FBN1: variants seen among roughly 807,000 people sequenced by gnomAD.
The protein encoded by FBN1 is fibrillin-1.
FBN1 carries 29 observed loss-of-function variants against 365.1 expected under a neutral mutation model. The ratio of observed to expected loss-of-function variants is 0.08; its 90% confidence interval spans 0.06 to 0.11. The LOEUF (loss-of-function observed/expected upper bound fraction) is 0.11. Ranked by LOEUF, FBN1 falls within the 10% of genes least tolerant of loss-of-function variation. FBN1 has a pLI of 1.00. For missense variants in FBN1, 2,476 were observed against 3,703.2 expected (o/e 0.67, Z 8.60); for synonymous variants, 1,210 against 1,270.5 (o/e 0.95, Z 1.01).
At chr15:48,448,634 A>G (rs1261165989) in intron 46 of FBN1, 134 bp downstream of exon 46, 41 of 762,302 alleles carry the variant, frequency 5.4e-5, no homozygotes, top group Admixed American at 9.0e-5. Flanking sequence ...TCACTGCTGC[A>G]TATCTGTCTG....
intron 2 of FBN1, among the ~76,000 whole-genome samples, chr15:48,632,837 T>C (rs1890012795): frequency 6.6e-6 from 1 of 152,184 alleles, no homozygotes; most frequent in Non-Finnish European, 1.5e-5. Flanking sequence ...CTTTCTCAGA[T>C]TCCAGCTAAA....
Position 48,550,678 on chromosome 15 carries a change from C to T in FBN1, c.539-12870G>A, listed in dbSNP as rs141354491. ...GAGTGAACTGCAGTTCCTCAACTCACGGTGCTGTTTCTCTTCCACACGTCT... is the reference window on the plus strand; with the variant it reads ...GAGTGAACTGCAGTTCCTCAACTCATGGTGCTGTTTCTCTTCCACACGTCT... On this transcript the variant is annotated intron_variant, in intron 6 of 65. Transcript: ENST00000316623. Among the ~76,000 whole-genome samples, 492 of 152,238 alleles carry T rather than the reference C, an allele frequency of 3.2e-3. 1 individual carries two copies. Among genetic ancestry groups the T allele is most frequent in the Middle Eastern group, 0.02 (6 of 294 alleles).
intron 51 of FBN1, 164 bp from the exon 52 acceptor site, chr15:48,437,551 ATGT>A (rs1182183457): frequency 2.5e-6 from 2 of 809,744 alleles, no homozygotes; most frequent in Non-Finnish European, 4.1e-6. Context: ...ACTCCCTAAG[ATGT>A]TGTGTCTACT....
At chr15:48,556,265 A>G (rs1321702623) in intron 6 of FBN1, among the ~76,000 whole-genome samples, 1 of 152,134 alleles carries the variant, frequency 6.6e-6, no homozygotes, top group Non-Finnish European at 1.5e-5. Flanking sequence ...CTCACCTTCA[A>G]TTTCCATCCA....
chr15:48,594,684 T>C (rs1038593857), intron 6 of FBN1, among the ~76,000 whole-genome samples: 1 of 152,224 alleles, frequency 6.6e-6, no homozygotes, highest in Non-Finnish European at 1.5e-5. Context: ...ATATCAACTA[T>C]GAGCATCAAT....
chr15:48,618,739 A>G (rs1214404133), intron 2 of FBN1, among the ~76,000 whole-genome samples: 1 of 152,202 alleles, frequency 6.6e-6, no homozygotes, highest in Non-Finnish European at 1.5e-5. Context: ...CTGTATTTAC[A>G]GCTGCTCCCA....
At chr15:48,567,832 C>T (rs971478685) in intron 6 of FBN1, among the ~76,000 whole-genome samples, 6 of 151,890 alleles carry the variant, frequency 4.0e-5, no homozygotes, top group Non-Finnish European at 7.4e-5. Context: ...AGGGTACCTA[C>T]GAAAAACCTA....
At chr15:48,632,411 A>G (rs972694781) in intron 2 of FBN1, among the ~76,000 whole-genome samples, 1 of 152,216 alleles carries the variant, frequency 6.6e-6, no homozygotes, top group Non-Finnish European at 1.5e-5. Flanking sequence ...TGTCAGGCAT[A>G]GTACTAAGAA....
intron 6 of FBN1, among the ~76,000 whole-genome samples, chr15:48,570,187 C>A (rs2140670352): frequency 6.6e-6 from 1 of 152,260 alleles, no homozygotes; most frequent in East Asian, 1.9e-4. Context: ...CCACCTGGGG[C>A]AGATACTAAA....
chr15:48,547,721 T>A (rs1464164552), intron 6 of FBN1, among the ~76,000 whole-genome samples: 1 of 131,140 alleles, frequency 7.6e-6, no homozygotes, highest in Non-Finnish European at 1.7e-5. Flanking sequence ...CTTCTCTCTT[T>A]CACACACACA....
intron 9 of FBN1, among the ~76,000 whole-genome samples, chr15:48,522,114 T>C (rs1250984303): frequency 2.6e-5 from 4 of 152,196 alleles, no homozygotes; most frequent in Non-Finnish European, 4.4e-5. Context: ...CCAATGAGAA[T>C]CTAATGCCTG....
intron 6 of FBN1, among the ~76,000 whole-genome samples, chr15:48,547,676 C>T (rs1195041631): frequency 1.3e-5 from 2 of 148,604 alleles, no homozygotes; most frequent in African/African-American, 4.9e-5. Context: ...TATCCATGTG[C>T]TAATAGATAT....
chr15:48,412,516 T>C, intron 65 of FBN1, 53 bp downstream of exon 65: 2 of 1,595,536 alleles, frequency 1.3e-6, no homozygotes, highest in South Asian at 1.1e-5. Flanking sequence ...CACAGGAATC[T>C]GGAAGGGCTT....
At chr15:48,635,268 C>G (rs1890071866) in intron 2 of FBN1, among the ~76,000 whole-genome samples, 1 of 152,064 alleles carries the variant, frequency 6.6e-6, no homozygotes, top group Non-Finnish European at 1.5e-5. Flanking sequence ...TCTGAGGGAG[C>G]TGAATAAATA....
chr15:48,409,674 T>C lies in FBN1; in HGVS notation c.*1316A>G, dbSNP rs1442328499. On this transcript the variant is annotated 3_prime_UTR_variant, in exon 66 of 66. Transcript: ENST00000316623. ...GAAAGATGTTTAGGGGAAAAAAAAA[T>C]GGAACAGAACACCTAAGGCTTGCCA... is the stretch of plus-strand genomic sequence containing the variant. 2 of 151,986 alleles carry C rather than the reference T, an allele frequency of 1.3e-5. No homozygotes were observed. The highest frequency in any genetic ancestry group is 4.2e-4 in the South Asian group (2 of 4,816). 9.4% of individuals were successfully genotyped at this position (151,986 alleles called of 1,614,324 possible). A position where few individuals can be genotyped will look rare whatever the true frequency, so the allele number is the denominator to read the frequency against.
rs2141317397 is a variant in FBN1, at chr15:48,505,112, T to G, written c.1873A>C (p.Asn625His). Residue 625 changes from asparagine to histidine, a missense_variant, in exon 16 of 66, where the codon AAT becomes CAT. Transcript: ENST00000316623. ...CCATCAGTGTTGACGCAACGCCCAT[T>G]CATGCAGATCCCAGGGGTTTCACAC... The part of the protein sequence containing the change: ...NECETPGICM[N>H]GRCVNTDGSY... 1 of 1,614,192 alleles carries G rather than the reference T, an allele frequency of 6.2e-7. No homozygotes were observed. Among genetic ancestry groups the G allele is most frequent in the Admixed American group, 1.7e-5 (1 of 60,030 alleles).
intron 21 of FBN1, 49 bp downstream of exon 21, chr15:48,495,420 A>G: frequency 6.2e-7 from 1 of 1,607,690 alleles, no homozygotes; most frequent in Non-Finnish European, 8.5e-7. Context: ...GACATTAAGT[A>G]TAACAACATT....
chr15:48,504,879 A>G, intron 16 of FBN1, 146 bp downstream of exon 16: 1 of 1,073,020 alleles, frequency 9.3e-7, no homozygotes, highest in Non-Finnish European at 1.4e-6. Context: ...ATTTACACAA[A>G]AAGAGAACTG....
chr15:48,553,325 A>G (rs1200356175), intron 6 of FBN1, among the ~76,000 whole-genome samples: 1 of 152,204 alleles, frequency 6.6e-6, no homozygotes, highest in Non-Finnish European at 1.5e-5. Context: ...GAGTGGACAC[A>G]TGGAAATAAT....
Sources: allele counts gnomAD v4.1 joint callset (sites outside exome capture counted in the v4.1 genomes callset), GRCh38; gene constraint gnomAD v4.1.1; transcripts MANE v1.5; gene names NCBI Gene and HGNC (gene_info 2026-07-23, HGNC 2026-07-21).